Variants in CNTNAP2 observed in about 807,000 individuals in gnomAD.
The protein encoded by CNTNAP2 is contactin-associated protein-like 2.
Under a neutral mutation model 155.2 loss-of-function variants are expected in CNTNAP2, and 98 were observed. The observed-to-expected ratio is 0.63, with a 90% confidence interval of 0.54 to 0.75. The LOEUF is 0.75. Ranked by LOEUF, CNTNAP2 falls within the 30% of genes least tolerant of loss-of-function variation. The pLI is 0.00. For missense variants in CNTNAP2, 1,727 were observed against 1,688.1 expected (o/e 1.02, Z -0.40); for synonymous variants, 651 against 631.2 (o/e 1.03, Z -0.47).
At chr7:147,272,674 T>A (rs56833865) in intron 8 of CNTNAP2, among the ~76,000 whole-genome samples, 52,225 of 149,902 alleles carry the variant, frequency 0.35, 10,019 homozygotes, top group East Asian at 0.78. Context: ...ATTTTTTTTT[T>A]TTTTTTGTAT....
chr7:148,005,946 G>C (rs567797258), intron 15 of CNTNAP2, among the ~76,000 whole-genome samples: 216 of 152,180 alleles, frequency 1.4e-3, no homozygotes, highest in Non-Finnish European at 1.9e-3. Context: ...GGGATTCACA[G>C]TCCCTGCTTT....
intron 20 of CNTNAP2, among the ~76,000 whole-genome samples, chr7:148,236,825 G>T (rs1585207794): frequency 6.6e-6 from 1 of 152,212 alleles, no homozygotes; most frequent in Non-Finnish European, 1.5e-5. Flanking sequence ...CATGGCAGGA[G>T]CAGGACTGAG....
chr7:147,034,499 C>T (rs1799108733), intron 3 of CNTNAP2, among the ~76,000 whole-genome samples: 1 of 152,038 alleles, frequency 6.6e-6, no homozygotes, highest in African/African-American at 2.4e-5. Context: ...TTACCTTGTG[C>T]TCTCTTAGTT....
intron 5 of CNTNAP2, 78 bp from the exon 6 acceptor site, chr7:147,120,901 G>A: frequency 7.4e-7 from 1 of 1,358,982 alleles, no homozygotes; most frequent in Non-Finnish European, 1.0e-6. Flanking sequence ...TCTAGGTGCT[G>A]TAAATGAAAG....
intron 8 of CNTNAP2, among the ~76,000 whole-genome samples, chr7:147,224,013 A>G (rs866316525): frequency 3.0e-4 from 44 of 146,906 alleles, no homozygotes; most frequent in Admixed American, 4.8e-4. Context: ...GAAATCAAAG[A>G]GAGTTGGGTT....
At chr7:147,449,579 C>T (rs1388731863) in intron 10 of CNTNAP2, among the ~76,000 whole-genome samples, 1 of 152,090 alleles carries the variant, frequency 6.6e-6, no homozygotes, top group African/African-American at 2.4e-5. Context: ...TCAGTAATGC[C>T]ATTTCTCAGA....
chr7:147,427,682 G>A (rs1335097858), intron 10 of CNTNAP2, among the ~76,000 whole-genome samples: 1 of 152,140 alleles, frequency 6.6e-6, no homozygotes, highest in East Asian at 1.9e-4. Context: ...TGAAGTACAT[G>A]AAGAGAAGTA....
chr7:147,334,644 A>C (rs566682304), intron 9 of CNTNAP2, among the ~76,000 whole-genome samples: 1 of 152,328 alleles, frequency 6.6e-6, no homozygotes, highest in East Asian at 1.9e-4. Context: ...GAGGAAAGGA[A>C]TAGCAGAGCA....
chr7:148,252,176 A>G (rs1421968948), intron 20 of CNTNAP2, among the ~76,000 whole-genome samples: 1 of 152,202 alleles, frequency 6.6e-6, no homozygotes, highest in East Asian at 1.9e-4. Context: ...ACTCTTGCCC[A>G]ATGTCTTTGA....
intron 1 of CNTNAP2, among the ~76,000 whole-genome samples, chr7:146,718,014 T>C (rs1004848795): frequency 6.6e-6 from 1 of 152,162 alleles, no homozygotes; most frequent in East Asian, 1.9e-4. Flanking sequence ...AATAACATTA[T>C]GATGGTATGA....
At chr7:148,145,970 G>C (rs1805169248) in intron 16 of CNTNAP2, among the ~76,000 whole-genome samples, 1 of 152,166 alleles carries the variant, frequency 6.6e-6, no homozygotes, top group East Asian at 1.9e-4. Context: ...TGATTAAATT[G>C]AGCTCTGTGT....
At position 147,720,722 on chromosome 7, in the gene CNTNAP2, G is replaced by A. The variant is rs151149398; in HGVS notation, c.2098+81416G>A. 8.4e-3 allele frequency among the ~76,000 whole-genome samples: 1,272 copies of A among 152,166 alleles called. 7 individuals carry two copies. The highest frequency in any genetic ancestry group is 0.018 in the South Asian group (88 of 4,824). ...GCACTTCTCCTTCCTGCCGCCTTGC[G>A]AAGAAAGTACCTCGCTTCCCTTTCA... On this transcript the variant is annotated intron_variant, in intron 13 of 23. Coordinates refer to ENST00000361727, the MANE Select transcript of CNTNAP2 (RefSeq NM_014141.6).
intron 13 of CNTNAP2, among the ~76,000 whole-genome samples, chr7:147,645,405 C>T (rs772819623): frequency 1.3e-5 from 2 of 152,122 alleles, no homozygotes; most frequent in African/African-American, 4.8e-5. Flanking sequence ...TGTGACTAAT[C>T]AGTGTATTAA....
intron 9 of CNTNAP2, among the ~76,000 whole-genome samples, chr7:147,310,249 C>A (rs1584863122): frequency 6.6e-6 from 1 of 152,176 alleles, no homozygotes; most frequent in African/African-American, 2.4e-5. Context: ...TGGAAATACT[C>A]AGATTTAAGG....
intron 21 of CNTNAP2, among the ~76,000 whole-genome samples, chr7:148,281,017 G>A (rs747949765): frequency 6.6e-6 from 1 of 152,174 alleles, no homozygotes; most frequent in Non-Finnish European, 1.5e-5. Context: ...TATTTAGTCA[G>A]TGTCTCCTAG....
chr7:146,781,994 G>A (rs903291821), intron 2 of CNTNAP2, among the ~76,000 whole-genome samples: 1 of 152,100 alleles, frequency 6.6e-6, no homozygotes, highest in Non-Finnish European at 1.5e-5. Flanking sequence ...ATGACCGCCC[G>A]AATCAGCCAC....
intron 1 of CNTNAP2, among the ~76,000 whole-genome samples, chr7:146,639,534 T>C (rs1403376692): frequency 1.3e-5 from 2 of 152,236 alleles, no homozygotes; most frequent in Non-Finnish European, 2.9e-5. Flanking sequence ...GTGTAAAATA[T>C]ATTTTCTTAC....
At chr7:147,865,946 A>G (rs1799218919) in intron 13 of CNTNAP2, among the ~76,000 whole-genome samples, 1 of 151,524 alleles carries the variant, frequency 6.6e-6, no homozygotes, top group Non-Finnish European at 1.5e-5. Context: ...GATCTTAGTT[A>G]TTTCTTGCCT....
intron 1 of CNTNAP2, among the ~76,000 whole-genome samples, chr7:146,511,571 G>A (rs1208317014): frequency 1.3e-5 from 2 of 152,132 alleles, no homozygotes; most frequent in East Asian, 1.9e-4. Context: ...TTAATATGAT[G>A]TATCACATTT....
Sources: allele counts gnomAD v4.1 joint callset (sites outside exome capture counted in the v4.1 genomes callset), GRCh38; gene constraint gnomAD v4.1.1; transcripts MANE v1.5; gene names NCBI Gene and HGNC (gene_info 2026-07-23, HGNC 2026-07-21).